FRMD4B: variants seen among roughly 807,000 people sequenced by gnomAD.
The protein encoded by FRMD4B is FERM domain-containing protein 4B.
Under a neutral mutation model 141.5 loss-of-function variants are expected in FRMD4B, and 74 were observed. The ratio of observed to expected loss-of-function variants is 0.52; its 90% CI spans 0.43 to 0.63. The LOEUF is 0.63. Among genes scored for constraint, FRMD4B ranks in the 30% least tolerant of loss-of-function variants. The probability of loss-of-function intolerance (pLI) is 0.00; values close to 1 mark genes in which losing one functional copy is unlikely to be tolerated. For missense variants in FRMD4B, 1,366 were observed against 1,253.4 expected (o/e 1.09, Z -1.36); for synonymous variants, 506 against 467.9 (o/e 1.08, Z -1.05).
At chr3:69,527,534 T>A (rs939653950) in intron 1 of FRMD4B, among the ~76,000 whole-genome samples, 3 of 152,238 alleles carry the variant, frequency 2.0e-5, no homozygotes, top group Non-Finnish European at 4.4e-5. Flanking sequence ...CTTACTCAGA[T>A]TTTTGCAGTT....
chr3:69,527,674 C>CA lies in FRMD4B; in HGVS notation c.-129+14531dup, dbSNP rs534787564. ...TCAGAGGTTGAACTTTGAAAGGTCCCATGTGTGACCTCACCTACAGTACAG... is the reference window on the plus strand; with the variant it reads ...TCAGAGGTTGAACTTTGAAAGGTCCCAATGTGTGACCTCACCTACAGTACAG... On this transcript the variant is annotated intron_variant, in intron 1 of 5. Coordinates refer to the FRMD4B transcript ENST00000459638. Among the ~76,000 whole-genome samples the CA allele has an allele frequency of 1.7e-3, 252 of 152,292 alleles. 1 individual carries two copies. Among genetic ancestry groups the CA allele is most frequent in the African/African-American group, 5.8e-3 (241 of 41,562 alleles).
chr3:69,186,228 CTT>C (rs1202005456), intron 19 of FRMD4B, among the ~76,000 whole-genome samples: 1 of 132,930 alleles, frequency 7.5e-6, no homozygotes, highest in African/African-American at 2.7e-5. Context: ...TTGAACATTT[CTT>C]TTTTTTTTCT....
At chr3:69,253,511 C>A (rs1247643299) in intron 5 of FRMD4B, among the ~76,000 whole-genome samples, 1 of 152,114 alleles carries the variant, frequency 6.6e-6, no homozygotes, top group Non-Finnish European at 1.5e-5. Flanking sequence ...TGATTCTGCT[C>A]TTCCCATATG....
intron 1 of FRMD4B, among the ~76,000 whole-genome samples, chr3:69,515,983 T>A (rs1258301058): frequency 6.6e-6 from 1 of 152,084 alleles, no homozygotes; most frequent in Non-Finnish European, 1.5e-5. Context: ...ACTTGTGCTT[T>A]GTGAGGGTGA....
At chr3:69,356,586 T>C (rs1459760515) in intron 1 of FRMD4B, among the ~76,000 whole-genome samples, 1 of 149,836 alleles carries the variant, frequency 6.7e-6, no homozygotes, top group African/African-American at 2.4e-5. Context: ...GATATATATA[T>C]ACACACACAC....
chr3:69,193,440 G>A (rs986838070), intron 17 of FRMD4B, among the ~76,000 whole-genome samples: 2 of 152,170 alleles, frequency 1.3e-5, no homozygotes, highest in Non-Finnish European at 2.9e-5. Context: ...CCCATGAGGT[G>A]GAGTTTGCAG....
chr3:69,212,922 C>T (rs2093100595), intron 11 of FRMD4B, among the ~76,000 whole-genome samples: 1 of 152,114 alleles, frequency 6.6e-6, no homozygotes, highest in Admixed American at 6.5e-5. Context: ...ACATGATAGA[C>T]AGCATTTTGG....
At chr3:69,297,198 C>T (rs1026167996) in intron 4 of FRMD4B, among the ~76,000 whole-genome samples, 3 of 152,116 alleles carry the variant, frequency 2.0e-5, no homozygotes, top group South Asian at 4.2e-4. Flanking sequence ...TCGAGTTAAG[C>T]TCTTTCTAAA....
intron 5 of FRMD4B, among the ~76,000 whole-genome samples, chr3:69,261,612 C>G (rs2093527716): frequency 6.6e-6 from 1 of 152,288 alleles, no homozygotes. Flanking sequence ...TCATACGTGG[C>G]TGGTGGACTC....
chr3:69,464,990 A>C (rs938313498), intron 1 of FRMD4B, among the ~76,000 whole-genome samples: 2 of 152,202 alleles, frequency 1.3e-5, no homozygotes, highest in Non-Finnish European at 2.9e-5. Flanking sequence ...CATATCAACC[A>C]ATCCCCAAAA....
At chr3:69,258,255 T>C (rs2093504783) in intron 5 of FRMD4B, among the ~76,000 whole-genome samples, 1 of 152,190 alleles carries the variant, frequency 6.6e-6, no homozygotes, top group Non-Finnish European at 1.5e-5. Context: ...CGTGAGCCAC[T>C]GCGCCCAGCC....
At chr3:69,198,480 C>T (rs965521856) in intron 12 of FRMD4B, 2 of 539,154 alleles carry the variant, frequency 3.7e-6, no homozygotes, top group Non-Finnish European at 3.3e-6. Context: ...ACATATACTG[C>T]TGCTTGGGAT....
intron 2 of FRMD4B, among the ~76,000 whole-genome samples, chr3:69,426,394 T>G (rs1196143235): frequency 6.6e-6 from 1 of 151,860 alleles, no homozygotes; most frequent in Non-Finnish European, 1.5e-5. Context: ...CAAAAGACAG[T>G]CAACAGAGAA....
At chr3:69,368,441 G>C (rs1703730530) in intron 1 of FRMD4B, among the ~76,000 whole-genome samples, 1 of 152,208 alleles carries the variant, frequency 6.6e-6, no homozygotes, top group Non-Finnish European at 1.5e-5. Context: ...CTGTGGCTGA[G>C]GAAGGCACTG....
At chr3:69,285,237 T>C (rs1441830401) in intron 5 of FRMD4B, among the ~76,000 whole-genome samples, 2 of 127,038 alleles carry the variant, frequency 1.6e-5, no homozygotes, top group African/African-American at 5.4e-5. Context: ...CAGATTAGAT[T>C]GCAAAAAACA....
intron 7 of FRMD4B, among the ~76,000 whole-genome samples, chr3:69,225,458 A>G (rs12490081): frequency 0.49 from 73,134 of 148,104 alleles, 19,256 homozygotes; most frequent in South Asian, 0.68. Flanking sequence ...GGCAGATCAC[A>G]AGGTCAGGAG....
At chr3:69,346,995 T>G (rs536077353) in intron 1 of FRMD4B, among the ~76,000 whole-genome samples, 1 of 152,304 alleles carries the variant, frequency 6.6e-6, no homozygotes, top group African/African-American at 2.4e-5. Flanking sequence ...TAACCTTAAA[T>G]GTAAATGGGC....
chr3:69,435,646 C>T (rs923050525), intron 1 of FRMD4B, among the ~76,000 whole-genome samples: 1 of 152,152 alleles, frequency 6.6e-6, no homozygotes, highest in East Asian at 1.9e-4. Context: ...TGGCCCTTTA[C>T]AGAGAAAGTT....
chr3:69,406,921 T>TG (rs1370540193), intron 2 of FRMD4B, among the ~76,000 whole-genome samples: 1 of 150,424 alleles, frequency 6.6e-6, no homozygotes, highest in Non-Finnish European at 1.5e-5. Flanking sequence ...ATTTTTTTTT[T>TG]TTTTTTGTAG....
Sources: allele counts gnomAD v4.1 joint callset (sites outside exome capture counted in the v4.1 genomes callset), GRCh38; gene constraint gnomAD v4.1.1; transcripts MANE v1.5; gene names NCBI Gene and HGNC (gene_info 2026-07-23, HGNC 2026-07-21).